The following ASB3 variants were observed in gnomAD, a reference collection of about 807,000 sequenced individuals.
ASB3 encodes the protein ankyrin repeat and SOCS box protein 3.
A neutral mutation model predicts 54.5 loss-of-function variants in ASB3; 41 were observed. That is an observed-to-expected ratio of 0.75 (90% CI 0.59 to 0.98). The LOEUF is 0.98. Among genes scored for constraint, ASB3 ranks in the 50% least tolerant of loss-of-function variants. ASB3 has a pLI of 0.00. For synonymous variants in ASB3, 266 were observed against 221.2 expected (o/e 1.20, Z -1.80); for missense variants, 733 against 620.0 (o/e 1.18, Z -1.94).
chr2:53,728,996 G>A, intron 4 of ASB3, 149 bp from the exon 5 acceptor site: 5 of 884,840 alleles, frequency 5.7e-6, no homozygotes, highest in Admixed American at 3.2e-5. Context: ...TGTATTAGTT[G>A]GAAAGAAATT....
intron 1 of ASB3, chr2:53,767,914 A>C (rs114610623): frequency 1.2e-6 from 2 of 1,613,550 alleles, no homozygotes; most frequent in African/African-American, 2.7e-5. Flanking sequence ...CGGGTCCCTG[A>C]TCTGGAAGGT....
intron 5 of ASB3, among the ~76,000 whole-genome samples, chr2:53,721,927 C>A (rs1314797339): frequency 6.6e-6 from 1 of 151,716 alleles, no homozygotes; most frequent in Non-Finnish European, 1.5e-5. Context: ...AAAGGATAAA[C>A]AAAATTGACA....
intron 6 of ASB3, 68 bp from the exon 7 acceptor site, chr2:53,714,649 T>G: frequency 6.6e-7 from 1 of 1,519,564 alleles, no homozygotes; most frequent in Non-Finnish European, 8.9e-7. Flanking sequence ...AACATTTCTA[T>G]AGCACAATTT....
chr2:53,674,923 A>G (rs1000165803), intron 9 of ASB3, among the ~76,000 whole-genome samples: 2 of 152,200 alleles, frequency 1.3e-5, no homozygotes, highest in Non-Finnish European at 2.9e-5. Flanking sequence ...TGGCCAGTAT[A>G]AAGGAATGAC....
chr2:53,768,372 C>T (rs1274155707), intron 1 of ASB3: 1 of 207,596 alleles, frequency 4.8e-6, no homozygotes, highest in Non-Finnish European at 9.6e-6. Context: ...AAGATGAATG[C>T]TCATGTCACC....
At chr2:53,757,546 C>A (rs1672903858) in intron 2 of ASB3, among the ~76,000 whole-genome samples, 1 of 152,246 alleles carries the variant, frequency 6.6e-6, no homozygotes, top group Admixed American at 6.5e-5. Flanking sequence ...ATTCTCCTTA[C>A]TTCTGAATCT....
intron 2 of ASB3, among the ~76,000 whole-genome samples, chr2:53,758,858 C>T (rs894361336): frequency 2.0e-5 from 3 of 152,114 alleles, no homozygotes; most frequent in South Asian, 2.1e-4. Context: ...GGCAAAAACG[C>T]CCCTAAGATA....
At chr2:53,743,736 T>A (rs1010299261) in intron 3 of ASB3, among the ~76,000 whole-genome samples, 1 of 152,220 alleles carries the variant, frequency 6.6e-6, no homozygotes, top group Non-Finnish European at 1.5e-5. Flanking sequence ...CCTAGTTTCA[T>A]AATTGCTTAC....
intron 3 of ASB3, among the ~76,000 whole-genome samples, chr2:53,749,953 T>A (rs1189915339): frequency 6.6e-6 from 1 of 152,084 alleles, no homozygotes; most frequent in Non-Finnish European, 1.5e-5. Context: ...AGTAATATTT[T>A]TAAGTCCACA....
intron 8 of ASB3, among the ~76,000 whole-genome samples, chr2:53,695,188 C>T (rs115395767): frequency 0.012 from 1,796 of 152,224 alleles, 35 homozygotes; most frequent in African/African-American, 0.04. Context: ...AATCTAAGCT[C>T]ACCATCTCAA....
intron 7 of ASB3, among the ~76,000 whole-genome samples, chr2:53,700,917 G>A (rs573672832): frequency 6.6e-6 from 1 of 152,106 alleles, no homozygotes; most frequent in African/African-American, 2.4e-5. Flanking sequence ...ATGATTCTAG[G>A]AATCTCTAAG....
chr2:53,729,479 G>C lies in ASB3; in HGVS notation c.447C>G (p.Ser149=). 6.2e-7 allele frequency: 1 copy of C among 1,613,924 alleles called. No individual in the cohort carries two copies. The highest frequency in any genetic ancestry group is 1.1e-5 in the South Asian group (1 of 91,070). The change falls in exon 4 of 10, where the codon TCC becomes TCG. Residue 149 remains serine (S), a synonymous_variant. Coordinates refer to ENST00000263634, the MANE Select transcript of ASB3 (RefSeq NM_016115.5). The part of the protein sequence containing the change: ...NGSHSMCGWN[S]LHQASFQENA... ...TTACCTGAAAAGAAGCCTGGTGCAA[G>C]GAGTTCCATCCACACATAGAATGGG...
At chr2:53,709,390 T>C (rs956141186) in intron 7 of ASB3, among the ~76,000 whole-genome samples, 1 of 152,186 alleles carries the variant, frequency 6.6e-6, no homozygotes, top group East Asian at 1.9e-4. Flanking sequence ...TTTCAGAGGA[T>C]GTCTGAAAAA....
At chr2:53,690,881 T>A (rs550185487) in intron 9 of ASB3, among the ~76,000 whole-genome samples, 3 of 152,274 alleles carry the variant, frequency 2.0e-5, no homozygotes, top group Admixed American at 2.0e-4. Context: ...AGGATCCAGA[T>A]CCATTTGTAA....
At chr2:53,783,501 T>A (rs1039107336) in intron 1 of ASB3, among the ~76,000 whole-genome samples, 1 of 151,898 alleles carries the variant, frequency 6.6e-6, no homozygotes, top group African/African-American at 2.4e-5. Context: ...AAAATAGGAT[T>A]CATAGAGTGC....
chr2:53,685,951 C>A (rs963321335), intron 9 of ASB3, among the ~76,000 whole-genome samples: 1 of 152,158 alleles, frequency 6.6e-6, no homozygotes, highest in Non-Finnish European at 1.5e-5. Flanking sequence ...TTGGGCTGAT[C>A]CTGTATGGAA....
In ASB3 at chr2:53,786,881, G is replaced by A. The variant is rs959565623; in HGVS notation, c.-74C>T. 1.0e-5 allele frequency: 3 copies of A among 296,766 alleles called. No individual in the cohort carries two copies. The highest frequency in any genetic ancestry group is 4.3e-5 in the African/African-American group (2 of 46,414). The allele number at this position is 296,766 out of a possible 1,614,324, so 18.4% of individuals were successfully genotyped here. A position where few individuals can be genotyped will look rare whatever the true frequency, so the allele number is the denominator to read the frequency against. ...TCCGAGGCCGCGTCTCCAGAGCTGCGTCCCAGAAGCCCCCGCTTTCGATCC... is the reference window on the plus strand; with the variant it reads ...TCCGAGGCCGCGTCTCCAGAGCTGCATCCCAGAAGCCCCCGCTTTCGATCC... On this transcript the variant is annotated 5_prime_UTR_variant, in exon 1 of 10. The change creates a new upstream start codon in the 5' untranslated region. Transcript: ENST00000263634.
chr2:53,689,156 A>G (rs1018804921), intron 9 of ASB3, among the ~76,000 whole-genome samples: 1 of 151,964 alleles, frequency 6.6e-6, no homozygotes, highest in Admixed American at 6.5e-5. Context: ...AAATGAATAA[A>G]TTTGGGTAGT....
intron 1 of ASB3, chr2:53,774,227 G>A: frequency 6.2e-7 from 1 of 1,614,028 alleles, no homozygotes; most frequent in Non-Finnish European, 8.5e-7. Context: ...GAAAAAGGAG[G>A]CTACAGAACC....
Sources: allele counts gnomAD v4.1 joint callset (sites outside exome capture counted in the v4.1 genomes callset), GRCh38; gene constraint gnomAD v4.1.1; transcripts MANE v1.5; gene names NCBI Gene and HGNC (gene_info 2026-07-23, HGNC 2026-07-21).